Variants in ABLIM1 observed in about 807,000 individuals in gnomAD.
ABLIM1 encodes the protein actin binding LIM protein 1.
In ABLIM1, 40 loss-of-function variants were observed where a neutral mutation model predicts 107.0. The observed-to-expected ratio is 0.37, with a 90% CI of 0.29 to 0.49. The LOEUF (loss-of-function observed/expected upper bound fraction) is 0.49, where lower values mean the gene tolerates loss of function less well. Among genes scored for constraint, ABLIM1 ranks in the 20% least tolerant of loss-of-function variants. ABLIM1 has a pLI of 0.97. For missense variants in ABLIM1, 857 were observed against 1,008.5 expected, an observed-to-expected ratio of 0.85 and a Z score of 2.04; for synonymous variants, 357 against 357.3, an observed-to-expected ratio of 1.00 and a Z score of 0.01.
upstream of ABLIM1, among the ~76,000 whole-genome samples, chr10:114,661,909 G>T (rs1162367255): frequency 1.3e-5 from 2 of 152,174 alleles, no homozygotes; most frequent in African/African-American, 4.8e-5. Flanking sequence ...ATGAGCCCCA[G>T]CCCAAAGCCA....
upstream of ABLIM1, among the ~76,000 whole-genome samples, chr10:114,686,339 T>C (rs192466642): frequency 1.3e-5 from 2 of 151,776 alleles, no homozygotes; most frequent in Admixed American, 1.3e-4. Flanking sequence ...CAGGACCTTG[T>C]CTCTACTAAA....
At chr10:114,776,607 A>C in the ABLIM1 span, among the ~76,000 whole-genome samples, 2 of 152,074 alleles carry the variant, frequency 1.3e-5, no homozygotes, top group South Asian at 4.1e-4. Flanking sequence ...AGCAAGACTT[A>C]GTCTCAAAAA....
At chr10:114,491,012 G>GTGTGTGTGTGTGTGTGTGTATATA in intron 7 of ABLIM1, among the ~76,000 whole-genome samples, 27 of 92,382 alleles carry the variant, frequency 2.9e-4, no homozygotes, top group African/African-American at 4.1e-4. Flanking sequence ...GTGTGTGTGT[G>GTGTGTGTGTGTGTGTGTGTATATA]TATATATATA....
chr10:114,743,437 C>A (rs2082325291), intron 1 of ABLIM1, among the ~76,000 whole-genome samples: 1 of 152,142 alleles, frequency 6.6e-6, no homozygotes, highest in Non-Finnish European at 1.5e-5. Context: ...AGACACACTG[C>A]CAGATTTCTT....
chr10:114,501,804 A>G (rs1343291276), intron 6 of ABLIM1, among the ~76,000 whole-genome samples: 1 of 152,192 alleles, frequency 6.6e-6, no homozygotes, highest in East Asian at 1.9e-4. Context: ...AGAGTGGTGC[A>G]TTTGCCACAA....
chr10:114,720,196 C>T (rs553551260), intron 1 of ABLIM1, among the ~76,000 whole-genome samples: 1 of 152,320 alleles, frequency 6.6e-6, no homozygotes, highest in East Asian at 1.9e-4. Context: ...CTGCAAATGA[C>T]ATGATCTCAT....
chr10:114,794,667 C>G, the ABLIM1 span, among the ~76,000 whole-genome samples: 1 of 152,164 alleles, frequency 6.6e-6, no homozygotes, highest in Non-Finnish European at 1.5e-5. Context: ...ACATACTAAT[C>G]ACTAACCTTT....
intron 12 of ABLIM1, among the ~76,000 whole-genome samples, chr10:114,458,136 C>CATAT (rs35858255): frequency 5.3e-5 from 8 of 150,368 alleles, no homozygotes; most frequent in African/African-American, 1.2e-4. Context: ...TACAATAGTA[C>CATAT]ATATATATAT....
chr10:114,485,387 TG>T, intron 8 of ABLIM1: 1 of 1,609,634 alleles, frequency 6.2e-7, no homozygotes, highest in Middle Eastern at 1.7e-4. Context: ...GCAGCTGCCA[TG>T]AAACATGAGA....
the ABLIM1 span, among the ~76,000 whole-genome samples, chr10:114,800,292 C>A: frequency 6.6e-6 from 1 of 152,100 alleles, no homozygotes; most frequent in African/African-American, 2.4e-5. Context: ...ATTCGACATC[C>A]TGTAATATAC....
At chr10:114,608,136 G>A (rs1053386188) in intron 1 of ABLIM1, among the ~76,000 whole-genome samples, 2 of 152,174 alleles carry the variant, frequency 1.3e-5, no homozygotes, top group African/African-American at 2.4e-5. Context: ...AGGCCAAGGT[G>A]CGTGGATCAT....
At chr10:114,496,803 G>A (rs1467869623) in intron 6 of ABLIM1, among the ~76,000 whole-genome samples, 1 of 152,184 alleles carries the variant, frequency 6.6e-6, no homozygotes, top group Non-Finnish European at 1.5e-5. Flanking sequence ...GAGTCAAAAG[G>A]CATTGAGGAG....
At chr10:114,475,625 C>A (rs777077541) in intron 8 of ABLIM1, among the ~76,000 whole-genome samples, 2 of 152,122 alleles carry the variant, frequency 1.3e-5, no homozygotes, top group African/African-American at 2.4e-5. Context: ...ATGTTAATTA[C>A]ACGATTTGAG....
intron 8 of ABLIM1, among the ~76,000 whole-genome samples, chr10:114,475,153 C>G (rs1590139605): frequency 6.6e-6 from 1 of 152,196 alleles, no homozygotes; most frequent in South Asian, 2.1e-4. Context: ...CTGCCTTCCC[C>G]TCCTACCTCG....
intron 4 of ABLIM1, among the ~76,000 whole-genome samples, chr10:114,561,014 T>C (rs1193317648): frequency 6.6e-6 from 1 of 152,206 alleles, no homozygotes; most frequent in Non-Finnish European, 1.5e-5. Context: ...CACTGAAACG[T>C]TCAATTTAAA....
intron 3 of ABLIM1, among the ~76,000 whole-genome samples, chr10:114,573,432 C>T (rs1422510936): frequency 2.6e-5 from 4 of 152,198 alleles, no homozygotes; most frequent in Non-Finnish European, 4.4e-5. Context: ...GCAGTAAGTG[C>T]TCCTTTGCTG....
chr10:114,545,210 C>T lies in ABLIM1; in HGVS notation c.801-112G>A, dbSNP rs1200804046. 5 of 961,142 alleles carry T rather than the reference C, an allele frequency of 5.2e-6. No homozygotes were observed. The East Asian group carries it at 1.2e-4, about 24-fold the overall frequency. The allele number at this position is 961,142 out of a possible 1,614,324, so 59.5% of individuals were successfully genotyped here. The stretch of plus-strand genomic sequence containing the variant: ...ACAGAAGGGCAGGACATATTTCTCC[C>T]CTGCCCAGTGTTCACATGCCTGGCA... On this transcript the variant is annotated intron_variant, in intron 5 of 22. Coordinates refer to ENST00000533213, the MANE Select transcript of ABLIM1 (RefSeq NM_002313.7).
intron 6 of ABLIM1, among the ~76,000 whole-genome samples, chr10:114,539,502 A>C (rs2066404785): frequency 6.6e-6 from 1 of 152,240 alleles, no homozygotes; most frequent in African/African-American, 2.4e-5. Context: ...ACCTTTGTAA[A>C]CAGAGACCAA....
chr10:114,798,471 C>T, the ABLIM1 span, among the ~76,000 whole-genome samples: 63 of 150,936 alleles, frequency 4.2e-4, no homozygotes, highest in African/African-American at 1.4e-3. Context: ...GTGGCTCACA[C>T]CTGTAATCCC....
Sources: allele counts gnomAD v4.1 joint callset (sites outside exome capture counted in the v4.1 genomes callset), GRCh38; gene constraint gnomAD v4.1.1; transcripts MANE v1.5; gene names NCBI Gene and HGNC (gene_info 2026-07-23, HGNC 2026-07-21).